BCAS3: variants seen among roughly 807,000 people sequenced by gnomAD.
BCAS3 encodes the protein BCAS4/BCAS3 fusion.
In BCAS3, 53 loss-of-function variants were observed where a neutral mutation model predicts 116.1. That is an observed-to-expected ratio of 0.46 (90% CI 0.37 to 0.57). The LOEUF is 0.57. Among genes scored for constraint, BCAS3 ranks in the 20% least tolerant of loss-of-function variants. The pLI is 0.00. For missense variants in BCAS3, 917 were observed against 1,165.4 expected (o/e 0.79, Z 3.10); for synonymous variants, 391 against 408.2 (o/e 0.96, Z 0.51).
At chr17:61,289,603 C>T (rs1480430867) in intron 22 of BCAS3, among the ~76,000 whole-genome samples, 1 of 152,112 alleles carries the variant, frequency 6.6e-6, no homozygotes, top group Non-Finnish European at 1.5e-5. Context: ...GAAGGAAGAG[C>T]CTCTATAAAT....
chr17:60,818,912 C>T (rs961473859), intron 7 of BCAS3, among the ~76,000 whole-genome samples: 4 of 151,932 alleles, frequency 2.6e-5, no homozygotes, highest in African/African-American at 7.3e-5. Flanking sequence ...GATCCAATAA[C>T]GTAGATGATC....
chr17:60,896,144 G>A (rs2057494673), intron 10 of BCAS3, among the ~76,000 whole-genome samples: 1 of 152,106 alleles, frequency 6.6e-6, no homozygotes, highest in Non-Finnish European at 1.5e-5. Flanking sequence ...TGGCCAACAT[G>A]GCAAAATGCT....
rs1032135707 is a variant in BCAS3 at position 61,337,110 on chromosome 17, C to G, written c.2426-31217C>G. 6.7e-6 allele frequency among the ~76,000 whole-genome samples: 1 copy of G among 149,002 alleles called. No homozygotes were observed. The highest frequency in any genetic ancestry group is 2.5e-5 in the African/African-American group (1 of 39,840). ...CCTGGGTGACAGAGCAAGACTCCATCTCAAAAAAAAACAACAACAAACTTT... is the reference window on the plus strand; with the variant it reads ...CCTGGGTGACAGAGCAAGACTCCATGTCAAAAAAAAACAACAACAAACTTT... On this transcript the variant is annotated intron_variant, in intron 22 of 23. Transcript: ENST00000407086. This position sits in a 1 kb window ranked among gnomAD's most constrained non-coding sequence, Gnocchi z 4.8.
At chr17:60,810,810 A>G (rs1369892835) in intron 7 of BCAS3, 24 of 678,600 alleles carry the variant, frequency 3.5e-5, no homozygotes, top group Non-Finnish European at 6.3e-5. Context: ...TCCTGAAGAA[A>G]AACCTCGAAG....
rs1254506632 is a variant in BCAS3 at position 61,028,608 on chromosome 17, G to A, written c.1638-6058G>A. On this transcript the variant is annotated intron_variant, in intron 16 of 23. Transcript: ENST00000407086. The surrounding 1 kb of genome is among the most constrained non-coding windows in gnomAD (Gnocchi z 4.3). The stretch of plus-strand genomic sequence containing the variant: ...AGTAAAAGATGGAATAACAACTGTT[G>A]TATGTTAAGTAAGTAAAGTTCATTC... Among the ~76,000 whole-genome samples, 1 of 151,884 alleles carries A rather than the reference G, an allele frequency of 6.6e-6. No individual in the cohort carries two copies. Among genetic ancestry groups the A allele is most frequent in the African/African-American group, 2.4e-5 (1 of 41,434 alleles).
At chr17:60,963,870 T>C (rs1450662645) in intron 14 of BCAS3, among the ~76,000 whole-genome samples, 1 of 152,240 alleles carries the variant, frequency 6.6e-6, no homozygotes, top group Admixed American at 6.5e-5. Context: ...CTACTGGTTT[T>C]TGTATGTTCA....
chr17:61,329,651 T>C (rs1250634150), intron 22 of BCAS3, among the ~76,000 whole-genome samples: 1 of 152,136 alleles, frequency 6.6e-6, no homozygotes, highest in Non-Finnish European at 1.5e-5. Flanking sequence ...TATGTTGTTA[T>C]TTTTCTAATC....
chr17:61,110,462 G>T (rs183538527), intron 22 of BCAS3, among the ~76,000 whole-genome samples: 1 of 152,288 alleles, frequency 6.6e-6, no homozygotes. Flanking sequence ...TTCCCTTTCC[G>T]AGTCAAAGAA....
At chr17:61,236,974 C>G (rs944050433) in intron 22 of BCAS3, among the ~76,000 whole-genome samples, 4 of 152,144 alleles carry the variant, frequency 2.6e-5, no homozygotes, top group African/African-American at 7.2e-5. Flanking sequence ...GCATAGCGGA[C>G]TTAGGATGCC....
chr17:60,770,380 C>T (rs556155180), intron 6 of BCAS3, among the ~76,000 whole-genome samples: 1 of 140,220 alleles, frequency 7.1e-6, no homozygotes, highest in African/African-American at 2.6e-5. Flanking sequence ...GCCATCGCCT[C>T]TCTCATCCCA....
chr17:60,857,240 C>G (rs2053759161), intron 7 of BCAS3, among the ~76,000 whole-genome samples: 3 of 152,154 alleles, frequency 2.0e-5, no homozygotes, highest in African/African-American at 4.8e-5. Context: ...TTTAAAGAAG[C>G]ATTTATTAAT....
At chr17:60,889,587 G>T in intron 9 of BCAS3, 108 bp from the exon 10 acceptor site, 1 of 903,430 alleles carries the variant, frequency 1.1e-6, no homozygotes, top group East Asian at 2.5e-5. Flanking sequence ...TGTGAGACTT[G>T]AAAAAATATA....
At chr17:61,060,523 T>A (rs563963001) in intron 19 of BCAS3, among the ~76,000 whole-genome samples, 2 of 152,324 alleles carry the variant, frequency 1.3e-5, no homozygotes, top group East Asian at 3.9e-4. Flanking sequence ...TATGATTTTT[T>A]AAATTATCAC....
At chr17:60,911,722 A>T (rs1436685378) in intron 12 of BCAS3, among the ~76,000 whole-genome samples, 1 of 152,256 alleles carries the variant, frequency 6.6e-6, no homozygotes. Flanking sequence ...GGCATGAGCC[A>T]CTGCGCCCAG....
intron 22 of BCAS3, among the ~76,000 whole-genome samples, chr17:61,172,941 T>G (rs2078935817): frequency 6.6e-6 from 1 of 151,652 alleles, no homozygotes; most frequent in Non-Finnish European, 1.5e-5. Context: ...TGAGCTGAGA[T>G]GACGCCACTG....
At chr17:61,370,312 A>G (rs1480879630) in intron 23 of BCAS3, among the ~76,000 whole-genome samples, 2 of 152,126 alleles carry the variant, frequency 1.3e-5, no homozygotes, top group East Asian at 3.9e-4. Flanking sequence ...GTCCTCCCCA[A>G]ACTGTCACCA....
chr17:60,944,700 G>A (rs1201542743), intron 13 of BCAS3, among the ~76,000 whole-genome samples: 2 of 152,180 alleles, frequency 1.3e-5, no homozygotes, highest in African/African-American at 4.8e-5. Context: ...TCCCAAGAAT[G>A]CAAGGCATAT....
chr17:60,975,658 C>A (rs1003061287), intron 14 of BCAS3, among the ~76,000 whole-genome samples: 2 of 152,104 alleles, frequency 1.3e-5, no homozygotes, highest in African/African-American at 2.4e-5. Flanking sequence ...ATTTTCAGCA[C>A]CCCAAAATGA....
chr17:61,210,822 CA>C (rs2081415310), intron 22 of BCAS3, among the ~76,000 whole-genome samples: 1 of 152,192 alleles, frequency 6.6e-6, no homozygotes, highest in South Asian at 2.1e-4. Context: ...TGCAGACAGA[CA>C]AAACCAGAGA....
Sources: allele counts gnomAD v4.1 joint callset (sites outside exome capture counted in the v4.1 genomes callset), GRCh38; gene constraint gnomAD v4.1.1; non-coding constraint Gnocchi (gnomAD v3.1); transcripts MANE v1.5; gene names NCBI Gene and HGNC (gene_info 2026-07-23, HGNC 2026-07-21).